Variants in PPP2R1B observed in about 807,000 individuals in gnomAD.
PPP2R1B encodes the protein protein phosphatase 2 scaffold subunit Abeta.
A neutral mutation model predicts 72.7 loss-of-function variants in PPP2R1B; 58 were observed. The ratio of observed to expected loss-of-function variants is 0.80; its 90% CI spans 0.65 to 0.99. The LOEUF is 0.99. PPP2R1B is among the 50% of genes least tolerant of loss of function. The pLI, the probability that PPP2R1B is intolerant of heterozygous loss-of-function variation, is 0.00. For synonymous variants in PPP2R1B, 256 were observed against 264.6 expected (o/e 0.97, Z 0.32); for missense variants, 695 against 733.6 (o/e 0.95, Z 0.61).
chr11:111,765,228 AG>A, intron 2 of PPP2R1B, 65 bp downstream of exon 2: 2 of 1,440,806 alleles, frequency 1.4e-6, no homozygotes, highest in South Asian at 1.2e-5. Flanking sequence ...ACTCTAAAAA[AG>A]TCAGTGTTGA....
chr11:111,711,703 A>T, the PPP2R1B span, among the ~76,000 whole-genome samples: 1 of 152,072 alleles, frequency 6.6e-6, no homozygotes, highest in African/African-American at 2.4e-5. Context: ...CTTACCAATA[A>T]ATATTTACCA....
At chr11:111,726,765 T>G (rs1943981239), downstream of PPP2R1B, 2 of 589,772 alleles carry the variant, frequency 3.4e-6, no homozygotes, top group South Asian at 4.4e-5. Context: ...GGGGCTACTC[T>G]GAAGTACTGA....
intron 12 of PPP2R1B, 63 bp from the exon 13 acceptor site, chr11:111,742,728 C>A: frequency 7.2e-7 from 1 of 1,389,120 alleles, no homozygotes; most frequent in Admixed American, 2.5e-5. Flanking sequence ...TCTAATGAAA[C>A]AAATTAATAT....
At position 111,754,581 on chromosome 11, in the gene PPP2R1B, A is replaced by G. The variant is rs1345210580; in HGVS notation, c.959-12T>C. On this transcript the variant is annotated splice_polypyrimidine_tract_variant and intron_variant, in intron 7 of 14. Transcript: ENST00000527614. Reference sequence around the variant, plus strand: ...GTTCTCACCAAGTTCTAAAAGATAAATAGAAAAAAAGAATGCTTTCACAGG... The same window carrying G: ...GTTCTCACCAAGTTCTAAAAGATAAGTAGAAAAAAAGAATGCTTTCACAGG... The G allele has an allele frequency of 1.9e-6, 3 of 1,592,586 alleles. No individual in the cohort carries two copies. The African/African-American group carries it at 4.1e-5, about 22-fold the overall frequency.
chr11:111,737,926 C>T lies in PPP2R1B; in HGVS notation c.*3670G>A, dbSNP rs573203910. ...AGAACAACTCTGGAGACAGAAATGG[C>T]TTGGCTTTCCGACGCAATGAGTAAT... On this transcript the variant is annotated 3_prime_UTR_variant, in exon 15 of 15. Coordinates refer to ENST00000527614, the MANE Select transcript of PPP2R1B (RefSeq NM_002716.5). The T allele has an allele frequency of 9.5e-7, 1 of 1,048,250 alleles. No homozygotes were observed. Among genetic ancestry groups the T allele is most frequent in the East Asian group, 7.4e-5 (1 of 13,534 alleles). The allele number at this position is 1,048,250 out of a possible 1,614,324, so 64.9% of individuals were successfully genotyped here. A position where few individuals can be genotyped will look rare whatever the true frequency, so the allele number is the denominator to read the frequency against.
chr11:111,723,939 CCT>C (rs765333308), downstream of PPP2R1B: 3 of 1,614,136 alleles, frequency 1.9e-6, no homozygotes, highest in Non-Finnish European at 2.5e-6. Context: ...TATCCCACTC[CCT>C]GTCAGTATCC....
the PPP2R1B span, among the ~76,000 whole-genome samples, chr11:111,688,862 C>A: frequency 1.1e-4 from 16 of 152,248 alleles, 2 homozygotes; most frequent in African/African-American, 3.4e-4. This position sits in a 1 kb window ranked among gnomAD's most constrained non-coding sequence, Gnocchi z 4.2. Context: ...ATAGCATGTA[C>A]ACCTTGAATA....
the PPP2R1B span, among the ~76,000 whole-genome samples, chr11:111,708,124 G>A: frequency 6.6e-6 from 1 of 152,204 alleles, no homozygotes; most frequent in Non-Finnish European, 1.5e-5. Flanking sequence ...GCTCATGCCT[G>A]TAATCCCGGC....
At chr11:111,754,761 G>T (rs1305091522) in intron 7 of PPP2R1B, among the ~76,000 whole-genome samples, 192 bp from the exon 8 acceptor site, 1 of 151,816 alleles carries the variant, frequency 6.6e-6, no homozygotes, top group African/African-American at 2.4e-5. Context: ...AATCCAACCT[G>T]AAAGGCATTT....
At chr11:111,744,679 T>G (rs1591682682) in intron 11 of PPP2R1B, among the ~76,000 whole-genome samples, 1 of 152,130 alleles carries the variant, frequency 6.6e-6, no homozygotes, top group East Asian at 1.9e-4. Flanking sequence ...CTTCCTGGGA[T>G]GATAGGAAGG....
intron 7 of PPP2R1B, 88 bp downstream of exon 7, chr11:111,754,892 T>C: frequency 8.1e-7 from 1 of 1,236,816 alleles, no homozygotes; most frequent in South Asian, 1.5e-5. Flanking sequence ...AAAAACATAT[T>C]CTAGAACAAA....
intron 10 of PPP2R1B, among the ~76,000 whole-genome samples, chr11:111,748,245 A>T (rs1409781351): frequency 6.6e-6 from 1 of 152,258 alleles, no homozygotes; most frequent in African/African-American, 2.4e-5. Context: ...TGCTAGGTAA[A>T]AGAGAACAGG....
chr11:111,745,837 G>A (rs1385254665), intron 11 of PPP2R1B, among the ~76,000 whole-genome samples: 1 of 152,118 alleles, frequency 6.6e-6, no homozygotes, highest in East Asian at 1.9e-4. Flanking sequence ...CCTAACTAGG[G>A]GAAAAGTTTC....
At chr11:111,760,692 T>C in intron 4 of PPP2R1B, 127 bp downstream of exon 4, 1 of 777,940 alleles carries the variant, frequency 1.3e-6, no homozygotes, top group Non-Finnish European at 2.1e-6. Context: ...ACTATCCTAG[T>C]ATCAGCCACT....
intron 15 of PPP2R1B, among the ~76,000 whole-genome samples, chr11:111,731,369 C>CAGAGAAGATGT (rs1288491179): frequency 2.0e-5 from 3 of 152,318 alleles, no homozygotes; most frequent in African/African-American, 7.2e-5. Flanking sequence ...CCAAAGGCCT[C>CAGAGAAGATGT]GACACTGCAC....
chr11:111,760,819 T>G lies in PPP2R1B; in HGVS notation c.539A>C (p.Gln180Pro), dbSNP rs1411375183. The G allele has an allele frequency of 6.2e-7, 1 of 1,613,426 alleles. No individual in the cohort carries two copies. Among genetic ancestry groups the G allele is most frequent in the Non-Finnish European group, 8.5e-7 (1 of 1,179,536 alleles). Residue 180 changes from glutamine (Q) to proline (P), a missense_variant and splice_region_variant, in exon 4 of 15, where the codon CAG (glutamine) becomes CCG (proline). Coordinates refer to ENST00000527614, the MANE Select transcript of PPP2R1B (RefSeq NM_002716.5). ...ASNAVKAEIR[Q>P]QFRSLCSDDT... ...AAGGCAAAAAAATACCATGGCTTAC[T>G]GTCTGATTTCTGCTTTAACAGCATT...
At chr11:111,720,409 T>C in the PPP2R1B span, 1 of 1,454,382 alleles carries the variant, frequency 6.9e-7, no homozygotes. Context: ...AAGCTGGTTA[T>C]GCTTTGTACC....
At chr11:111,713,413 ACT>A in the PPP2R1B span, among the ~76,000 whole-genome samples, 2 of 152,108 alleles carry the variant, frequency 1.3e-5, no homozygotes, top group South Asian at 4.1e-4. Flanking sequence ...ACGTAACAAA[ACT>A]CTTTGAACCT....
At chr11:111,723,906 G>C (rs1324416126), downstream of PPP2R1B, 2 of 1,612,896 alleles carry the variant, frequency 1.2e-6, no homozygotes, top group South Asian at 2.2e-5. Context: ...GAGCTGCCAA[G>C]CGCTGCTTCC....
Sources: allele counts gnomAD v4.1 joint callset (sites outside exome capture counted in the v4.1 genomes callset), GRCh38; gene constraint gnomAD v4.1.1; non-coding constraint Gnocchi (gnomAD v3.1); transcripts MANE v1.5; gene names NCBI Gene and HGNC (gene_info 2026-07-23, HGNC 2026-07-21).